Variants in SMYD3 observed in about 807,000 individuals in gnomAD.
The protein encoded by SMYD3 is SET and MYND domain containing 3.
A neutral mutation model predicts 57.7 loss-of-function variants in SMYD3; 36 were observed. That is an observed-to-expected ratio of 0.62 (90% CI 0.48 to 0.82). SMYD3 has a LOEUF of 0.82. Among genes scored for constraint, SMYD3 ranks in the 40% least tolerant of loss-of-function variants. The pLI, the probability that SMYD3 is intolerant of heterozygous loss-of-function variation, is 0.00. For missense variants in SMYD3, 515 were observed against 538.8 expected, an observed-to-expected ratio of 0.96 and a Z score of 0.44; for synonymous variants, 211 against 195.0, an observed-to-expected ratio of 1.08 and a Z score of -0.68.
At chr1:245,850,227 G>A (rs373074449) in intron 10 of SMYD3, among the ~76,000 whole-genome samples, 5 of 152,098 alleles carry the variant, frequency 3.3e-5, no homozygotes, top group Admixed American at 2.6e-4. Context: ...CACGGTCCTG[G>A]GGCTCTCAGA....
At chr1:246,121,957 C>T (rs1484321981) in intron 5 of SMYD3, among the ~76,000 whole-genome samples, 1 of 149,446 alleles carries the variant, frequency 6.7e-6, no homozygotes, top group Non-Finnish European at 1.5e-5. Flanking sequence ...CACCTACATC[C>T]TCTGGAGTGG....
intron 5 of SMYD3, among the ~76,000 whole-genome samples, chr1:246,271,585 C>G (rs925415469): frequency 6.6e-6 from 1 of 152,150 alleles, no homozygotes; most frequent in Admixed American, 6.5e-5. Context: ...TCTTGGCACC[C>G]CCATCGAAAA....
intron 5 of SMYD3, among the ~76,000 whole-genome samples, chr1:246,242,715 G>C (rs1572267083): frequency 1.0e-5 from 1 of 96,754 alleles, no homozygotes; most frequent in East Asian, 1.2e-3. Context: ...CTCATGTACA[G>C]AGAGACATAC....
intron 1 of SMYD3, among the ~76,000 whole-genome samples, chr1:246,474,364 A>G (rs1165264648): frequency 6.6e-6 from 1 of 152,032 alleles, no homozygotes; most frequent in Non-Finnish European, 1.5e-5. Flanking sequence ...CCAAAAATAC[A>G]AAAAATTAGC....
intron 8 of SMYD3, among the ~76,000 whole-genome samples, chr1:245,880,190 A>G (rs982980197): frequency 3.9e-5 from 6 of 152,272 alleles, no homozygotes; most frequent in African/African-American, 1.4e-4. Context: ...CTGCAGCACC[A>G]AGAACAAATC....
At chr1:246,098,743 G>A (rs983257215) in intron 5 of SMYD3, among the ~76,000 whole-genome samples, 1 of 152,070 alleles carries the variant, frequency 6.6e-6, no homozygotes, top group African/African-American at 2.4e-5. Context: ...TAGATTGTAA[G>A]TATTTTATTA....
intron 5 of SMYD3, among the ~76,000 whole-genome samples, chr1:246,177,697 G>T (rs982484530): frequency 2.0e-5 from 3 of 152,206 alleles, no homozygotes; most frequent in Non-Finnish European, 4.4e-5. Flanking sequence ...CTTGTGACCA[G>T]ATCAATTTCC....
intron 5 of SMYD3, among the ~76,000 whole-genome samples, chr1:246,296,770 T>C (rs1227692602): frequency 6.6e-6 from 1 of 152,194 alleles, no homozygotes; most frequent in Non-Finnish European, 1.5e-5. Context: ...AGACAAAATA[T>C]TAATACAATA....
chr1:246,104,861 A>C (rs139171218), intron 5 of SMYD3, among the ~76,000 whole-genome samples: 2,469 of 152,242 alleles, frequency 0.016, 72 homozygotes, highest in African/African-American at 0.057. Flanking sequence ...TCATTTTTTA[A>C]ATAGGCTACT....
intron 10 of SMYD3, among the ~76,000 whole-genome samples, chr1:245,778,528 AT>A (rs752533530): frequency 5.3e-5 from 8 of 152,270 alleles, no homozygotes; most frequent in Middle Eastern, 6.8e-3. Flanking sequence ...TTTGATTTGC[AT>A]TTCCCTAATG....
chr1:245,762,639 T>C (rs2045898582), intron 11 of SMYD3, among the ~76,000 whole-genome samples: 1 of 152,218 alleles, frequency 6.6e-6, no homozygotes, highest in Admixed American at 6.5e-5. Context: ...GGAATCCTAG[T>C]GTTACTCCCG....
chr1:245,873,055 G>A (rs1248089347), intron 8 of SMYD3, among the ~76,000 whole-genome samples: 3 of 152,208 alleles, frequency 2.0e-5, no homozygotes, highest in South Asian at 2.1e-4. Flanking sequence ...GCATCTACAC[G>A]TTGAGGGCAG....
chr1:245,818,193 G>A (rs569988122), intron 10 of SMYD3, among the ~76,000 whole-genome samples: 8 of 152,306 alleles, frequency 5.3e-5, no homozygotes, highest in African/African-American at 1.7e-4. Context: ...ACTAACAGCG[G>A]ATCTCTCAGC....
chr1:246,447,004 C>G (rs6681373), intron 1 of SMYD3, among the ~76,000 whole-genome samples: 78,626 of 147,796 alleles, frequency 0.53, 21,072 homozygotes, highest in Middle Eastern at 0.69. Context: ...ACTCCAGCCT[C>G]GGTGACAGAG....
intron 5 of SMYD3, among the ~76,000 whole-genome samples, chr1:246,126,722 A>C (rs914979603): frequency 2.6e-5 from 4 of 152,186 alleles, no homozygotes; most frequent in African/African-American, 9.7e-5. Context: ...GCCAATACTC[A>C]GTTGAATGTT....
At chr1:246,342,085 T>C (rs1007448040) in intron 2 of SMYD3, among the ~76,000 whole-genome samples, 3 of 152,218 alleles carry the variant, frequency 2.0e-5, no homozygotes, top group African/African-American at 7.2e-5. Context: ...AGGCTTACAA[T>C]CATTGAAAAT....
At chr1:245,817,240 C>T (rs983932913) in intron 10 of SMYD3, among the ~76,000 whole-genome samples, 1 of 145,068 alleles carries the variant, frequency 6.9e-6, no homozygotes, top group Non-Finnish European at 1.5e-5. Flanking sequence ...TCCCTGACCC[C>T]TGACCCCCGA....
chr1:245,799,823 G>A (rs144295190), intron 10 of SMYD3, among the ~76,000 whole-genome samples: 281 of 138,556 alleles, frequency 2.0e-3, no homozygotes, highest in African/African-American at 6.3e-3. Context: ...ATGCTGCAGC[G>A]CTGGAATTCA....
chr1:245,757,643 G>A (rs1185609550), intron 11 of SMYD3, among the ~76,000 whole-genome samples: 3 of 152,042 alleles, frequency 2.0e-5, no homozygotes, highest in Non-Finnish European at 4.4e-5. Flanking sequence ...TTTTGCATGT[G>A]GATATGCAGC....
Sources: gnomAD v4.1 joint callset for allele counts (sites outside exome capture counted in the v4.1 genomes callset) on GRCh38, gnomAD v4.1.1 for gene constraint, MANE v1.5 for transcripts, NCBI Gene and HGNC (gene_info 2026-07-23, HGNC 2026-07-21) for gene names.